Variants in EEFSEC observed in about 807,000 individuals in gnomAD.
EEFSEC encodes the protein eukaryotic elongation factor, selenocysteine-tRNA specific, also known as selenocysteine-specific elongation factor.
In EEFSEC, 43 loss-of-function variants were observed where a neutral mutation model predicts 42.1. The observed-to-expected ratio is 1.02, with a 90% confidence interval of 0.80 to 1.32. EEFSEC has a LOEUF of 1.32. Among genes scored for constraint, EEFSEC ranks in the 40% most tolerant of loss-of-function variants. The pLI is 0.00. For missense variants in EEFSEC, 745 were observed against 803.6 expected, an observed-to-expected ratio of 0.93 and a Z score of 0.88; for synonymous variants, 354 against 339.1, an observed-to-expected ratio of 1.04 and a Z score of -0.48.
At chr3:128,367,523 A>T (rs2067604303) in intron 6 of EEFSEC, among the ~76,000 whole-genome samples, 1 of 152,168 alleles carries the variant, frequency 6.6e-6, no homozygotes, top group African/African-American at 2.4e-5. Flanking sequence ...CTCCGCATCG[A>T]ACCAGCCACC....
Position 128,227,134 on chromosome 3 carries a change from A to G in EEFSEC, c.317-19702A>G, listed in dbSNP as rs1576560771. The stretch of plus-strand genomic sequence containing the variant: ...TGCTCCTTCTGAAATGTGACCTACC[A>G]TGCCTTCTTCAGTCCCTCTGTCTCC... On this transcript the variant is annotated intron_variant, in intron 1 of 6. Coordinates refer to ENST00000254730, the MANE Select transcript of EEFSEC (RefSeq NM_021937.5). 2.0e-5 allele frequency among the ~76,000 whole-genome samples: 3 copies of G among 152,152 alleles called. No homozygotes were observed. The East Asian group carries it at 5.8e-4, about 29-fold the overall frequency.
intron 4 of EEFSEC, among the ~76,000 whole-genome samples, chr3:128,265,621 G>A (rs1184469243): frequency 6.6e-6 from 1 of 152,230 alleles, no homozygotes; most frequent in Non-Finnish European, 1.5e-5. Flanking sequence ...AGCCTACAGT[G>A]CAGGGAAGTG....
chr3:128,403,045 CA>C (rs1283174533), intron 6 of EEFSEC, among the ~76,000 whole-genome samples: 2 of 151,546 alleles, frequency 1.3e-5, no homozygotes, highest in Non-Finnish European at 2.9e-5. Context: ...GAGAGGGGGT[CA>C]GGGGAGCATG....
At chr3:128,221,037 A>G (rs899741565) in intron 1 of EEFSEC, among the ~76,000 whole-genome samples, 2 of 152,280 alleles carry the variant, frequency 1.3e-5, no homozygotes, top group Non-Finnish European at 2.9e-5. Flanking sequence ...TGAAAATAAC[A>G]TGATAGTGCA....
chr3:128,425,658 C>T, the EEFSEC span, among the ~76,000 whole-genome samples: 2 of 152,234 alleles, frequency 1.3e-5, no homozygotes, highest in African/African-American at 4.8e-5. Flanking sequence ...CCAGGCCAGG[C>T]GCGGTGCTCC....
chr3:128,241,688 G>A (rs2066073288), intron 1 of EEFSEC, among the ~76,000 whole-genome samples: 1 of 152,188 alleles, frequency 6.6e-6, no homozygotes, highest in African/African-American at 2.4e-5. Flanking sequence ...TAGGTAAGAG[G>A]AGATGAAGAC....
intron 1 of EEFSEC, among the ~76,000 whole-genome samples, chr3:128,194,675 C>G (rs1014094062): frequency 1.3e-5 from 2 of 151,898 alleles, no homozygotes; most frequent in Non-Finnish European, 2.9e-5. Context: ...CTTTGTGCAC[C>G]CTTCTTTAAA....
At chr3:128,268,063 AG>A (rs1200566761) in intron 4 of EEFSEC, among the ~76,000 whole-genome samples, 1 of 152,268 alleles carries the variant, frequency 6.6e-6, no homozygotes, top group African/African-American at 2.4e-5. Context: ...CTCTGAGAGC[AG>A]GGCTCTGGAA....
At chr3:128,415,202 CA>C in the EEFSEC span, among the ~76,000 whole-genome samples, 2 of 152,130 alleles carry the variant, frequency 1.3e-5, no homozygotes, top group African/African-American at 2.4e-5. Context: ...ACAGGCACAG[CA>C]AAGGCTATGG....
At chr3:128,347,218 G>C (rs146536796) in intron 5 of EEFSEC, among the ~76,000 whole-genome samples, 1 of 151,666 alleles carries the variant, frequency 6.6e-6, no homozygotes, top group Non-Finnish European at 1.5e-5. Flanking sequence ...ATAAGTCCAC[G>C]TGTACTTCTA....
At chr3:128,278,190 G>A (rs917968899) in intron 4 of EEFSEC, among the ~76,000 whole-genome samples, 2 of 152,220 alleles carry the variant, frequency 1.3e-5, no homozygotes, top group Admixed American at 1.3e-4. Context: ...GGGGAGCCAG[G>A]ACCTTTCTGG....
At chr3:128,218,893 C>A (rs1287895569) in intron 1 of EEFSEC, among the ~76,000 whole-genome samples, 1 of 152,230 alleles carries the variant, frequency 6.6e-6, no homozygotes, top group Non-Finnish European at 1.5e-5. Context: ...GAATTCTTCT[C>A]TTTCTTATGT....
intron 1 of EEFSEC, among the ~76,000 whole-genome samples, chr3:128,170,402 A>T (rs1484764854): frequency 1.3e-5 from 2 of 150,500 alleles, no homozygotes; most frequent in African/African-American, 4.9e-5. Flanking sequence ...TCTCTACTAA[A>T]ACTACAAAAA....
At chr3:128,185,229 A>G (rs1468696664) in intron 1 of EEFSEC, among the ~76,000 whole-genome samples, 2 of 152,134 alleles carry the variant, frequency 1.3e-5, no homozygotes, top group African/African-American at 4.8e-5. Flanking sequence ...CTGCTGGGGT[A>G]TTATATAATG....
chr3:128,208,316 C>T (rs948408339), intron 1 of EEFSEC, among the ~76,000 whole-genome samples: 4 of 152,190 alleles, frequency 2.6e-5, no homozygotes, highest in African/African-American at 9.7e-5. Flanking sequence ...CTCTATTGAC[C>T]TGCGCTTCTT....
At chr3:128,391,811 G>A (rs142322496) in intron 6 of EEFSEC, among the ~76,000 whole-genome samples, 1 of 152,358 alleles carries the variant, frequency 6.6e-6, no homozygotes, top group East Asian at 1.9e-4. Context: ...AGTGCCTGGT[G>A]CCCAGCGGGT....
intron 4 of EEFSEC, among the ~76,000 whole-genome samples, chr3:128,272,546 T>G (rs899787149): frequency 7.9e-5 from 12 of 152,204 alleles, no homozygotes; most frequent in South Asian, 4.1e-4. Context: ...CTGCTGTGTG[T>G]CTGCCCCGCC....
At chr3:128,216,671 C>G (rs531112023) in intron 1 of EEFSEC, among the ~76,000 whole-genome samples, 7 of 152,356 alleles carry the variant, frequency 4.6e-5, no homozygotes, top group African/African-American at 1.7e-4. Flanking sequence ...GCTCACTGGC[C>G]CTGTTTCCCA....
intron 4 of EEFSEC, among the ~76,000 whole-genome samples, chr3:128,269,027 G>T (rs1214879885): frequency 6.6e-6 from 1 of 152,148 alleles, no homozygotes; most frequent in Non-Finnish European, 1.5e-5. Context: ...GCAGGGAGTC[G>T]CTGCCCCTGC....
Sources: allele counts gnomAD v4.1 joint callset (sites outside exome capture counted in the v4.1 genomes callset), GRCh38; gene constraint gnomAD v4.1.1; transcripts MANE v1.5; gene names NCBI Gene and HGNC (gene_info 2026-07-23, HGNC 2026-07-21).